Variants in PIK3CB observed in about 807,000 individuals in gnomAD.
The protein encoded by PIK3CB is phosphatidylinositol 4,5-bisphosphate 3-kinase catalytic subunit beta isoform.
Under a neutral mutation model 136.8 loss-of-function variants are expected in PIK3CB, and 39 were observed. The ratio of observed to expected loss-of-function variants is 0.29; its 90% CI spans 0.22 to 0.37. PIK3CB has a LOEUF of 0.37. Ranked by LOEUF, PIK3CB falls within the 10% of genes least tolerant of loss-of-function variation. The probability of loss-of-function intolerance (pLI) is 1.00; values close to 1 mark genes in which losing one functional copy is unlikely to be tolerated. For missense variants in PIK3CB, 868 were observed against 1,275.4 expected (o/e 0.68, Z 4.87); for synonymous variants, 428 against 436.6 (o/e 0.98, Z 0.25).
chr3:138,709,817 T>G (rs1362405084), intron 10 of PIK3CB, among the ~76,000 whole-genome samples: 4 of 152,108 alleles, frequency 2.6e-5, no homozygotes, highest in Non-Finnish European at 4.4e-5. Flanking sequence ...ATTAAGATTC[T>G]CAAGAAAGTA....
At chr3:138,661,079 A>G (rs1469868378) in intron 21 of PIK3CB, among the ~76,000 whole-genome samples, 1 of 152,174 alleles carries the variant, frequency 6.6e-6, no homozygotes, top group African/African-American at 2.4e-5. Context: ...CTGTTCTTAG[A>G]ATAAAGCAAG....
intron 16 of PIK3CB, 84 bp downstream of exon 16, chr3:138,688,791 T>A: frequency 1.3e-6 from 1 of 774,700 alleles, no homozygotes; most frequent in Non-Finnish European, 2.2e-6. Context: ...AAATTGAACA[T>A]GAAGATTAAA....
At chr3:138,700,065 A>AT (rs1382395028) in intron 12 of PIK3CB, among the ~76,000 whole-genome samples, 3 of 152,080 alleles carry the variant, frequency 2.0e-5, no homozygotes, top group African/African-American at 7.2e-5. Flanking sequence ...TTAAAAAAAA[A>AT]TTTTTAAATA....
chr3:138,656,103 C>T lies in PIK3CB; in HGVS notation c.3075+39G>A, dbSNP rs748796658. The T allele has an allele frequency of 7.5e-6, 12 of 1,604,662 alleles. No individual in the cohort carries two copies. The Admixed American group carries it at 2.0e-4, about 27-fold the overall frequency. On this transcript the variant is annotated intron_variant, in intron 23 of 23. Transcript: ENST00000674063. ...CAGGCAGCTAAAACTGAGCTCAATGCCCACAAAGTCCAAGAGAGAAGGAAA... is the reference window on the plus strand; with the variant it reads ...CAGGCAGCTAAAACTGAGCTCAATGTCCACAAAGTCCAAGAGAGAAGGAAA...
In PIK3CB at chr3:138,734,655, T is replaced by C. The variant is rs1363039027; in HGVS notation, c.951A>G (p.Pro317=). 6 of 1,612,072 alleles carry C rather than the reference T, an allele frequency of 3.7e-6. No individual in the cohort carries two copies. The highest frequency in any genetic ancestry group is 5.1e-6 in the Non-Finnish European group (6 of 1,178,610). The change falls in exon 7 of 24, where the codon CCA becomes CCG. Residue 317 remains proline (P), a synonymous_variant. Coordinates refer to ENST00000674063, the MANE Select transcript of PIK3CB (RefSeq NM_006219.3). ...NSSNLPLPLP[P]KKTRIISHVW... is the part of the protein sequence containing the mutation. ...TTACAGAAATAATTCGTGTTTTCTT[T>C]GGTGGTAATGGAAGAGGAAGATTAG... is the stretch of plus-strand genomic sequence containing the variant.
rs2045144982 is a variant in PIK3CB, at chr3:138,737,789, T to C, written c.719A>G (p.Glu240Gly). 1 of 1,612,666 alleles carries C rather than the reference T, an allele frequency of 6.2e-7. No individual in the cohort carries two copies. Among genetic ancestry groups the C allele is most frequent in the Non-Finnish European group, 8.5e-7 (1 of 1,179,062 alleles). ...KRLTIHGKED[E>G]VSPYDYVLQV... ...CAACACATAATCATAGGGGCTAACT[T>C]CATCTTCCTTCCCATGAATAGTCAA... The change falls in exon 6 of 24, where the codon GAA (glutamate) becomes GGA (glycine). Residue 240 changes from glutamate to glycine, a missense_variant. By Grantham distance (98) the Glu-to-Gly change is moderately conservative. This residue lies in a region of PIK3CB where 612 missense variants were observed against 801.1 expected (regional missense o/e 0.76). Coordinates refer to ENST00000674063, the MANE Select transcript of PIK3CB (RefSeq NM_006219.3).
At chr3:138,731,948 G>C (rs968897040) in intron 8 of PIK3CB, among the ~76,000 whole-genome samples, 3 of 151,010 alleles carry the variant, frequency 2.0e-5, no homozygotes, top group African/African-American at 7.3e-5. Context: ...ATGCCACTGC[G>C]CTCTAGCCTG....
chr3:138,725,144 A>G (rs1272004632), intron 8 of PIK3CB, among the ~76,000 whole-genome samples: 1 of 152,100 alleles, frequency 6.6e-6, no homozygotes, highest in African/African-American at 2.4e-5. Flanking sequence ...ACTTCTATGC[A>G]ATATATGCAT....
intron 5 of PIK3CB, among the ~76,000 whole-genome samples, chr3:138,739,899 CAAAAAATAAAAAAAA>C (rs994578195): frequency 4.6e-4 from 61 of 133,488 alleles, no homozygotes; most frequent in African/African-American, 1.7e-3. Context: ...GACTCCATCT[CAAAAAATAAAAAAAA>C]AAAAAATAAA....
chr3:138,813,721 A>G (rs1343851254), intron 1 of PIK3CB, among the ~76,000 whole-genome samples: 3 of 152,094 alleles, frequency 2.0e-5, no homozygotes, highest in African/African-American at 7.2e-5. Context: ...CCAGCCGATT[A>G]AGGGCCTACT....
chr3:138,691,312 C>T (rs111465538), intron 14 of PIK3CB, among the ~76,000 whole-genome samples, 169 bp from the exon 15 acceptor site: 30 of 152,246 alleles, frequency 2.0e-4, no homozygotes, highest in African/African-American at 6.7e-4. Flanking sequence ...ACAAAAAAAG[C>T]TGAAGATTTC....
Position 138,684,678 on chromosome 3 carries a change from G to A in PIK3CB, c.2262C>T (p.Ala754=), listed in dbSNP as rs558350621. The A allele has an allele frequency of 1.5e-5, 24 of 1,613,594 alleles. 1 individual carries two copies. Among genetic ancestry groups the A allele is most frequent in the African/African-American group, 1.5e-4 (11 of 74,858 alleles). The change falls in exon 17 of 24, where the codon GCC becomes GCT. Residue 754 remains alanine (A), a synonymous_variant. Transcript: ENST00000674063. ...TCAGGGGTGACTGCAGGTCAGAGAG[G>A]GCTTCCCGGTAAGCACTCTGTTTTA... ...TCLKQSAYRE[A]LSDLQSPLNP... is the part of the protein sequence containing the mutation.
intron 4 of PIK3CB, among the ~76,000 whole-genome samples, chr3:138,745,944 C>T (rs568404617): frequency 6.6e-6 from 1 of 152,076 alleles, no homozygotes; most frequent in Non-Finnish European, 1.5e-5. Flanking sequence ...GCACTTTGAT[C>T]TGCATTAAAA....
intron 1 of PIK3CB, among the ~76,000 whole-genome samples, chr3:138,799,266 C>T (rs1426293085): frequency 6.6e-6 from 1 of 151,422 alleles, no homozygotes; most frequent in Non-Finnish European, 1.5e-5. Context: ...CAACCTCCAC[C>T]TCCCCGGTTC....
At chr3:138,693,012 T>C (rs761065254) in intron 14 of PIK3CB, among the ~76,000 whole-genome samples, 3 of 152,196 alleles carry the variant, frequency 2.0e-5, no homozygotes, top group African/African-American at 4.8e-5. Context: ...TATTACACAG[T>C]AGTGAAAGGA....
At chr3:138,747,145 T>C (rs1208833589) in intron 4 of PIK3CB, among the ~76,000 whole-genome samples, 2 of 127,120 alleles carry the variant, frequency 1.6e-5, no homozygotes, top group Non-Finnish European at 3.3e-5. Flanking sequence ...AGCACACTAG[T>C]ACCTAGAACT....
Position 138,767,129 on chromosome 3 carries a change from G to A in PIK3CB, c.-16-7770C>T, listed in dbSNP as rs554826472. 9.2e-5 allele frequency among the ~76,000 whole-genome samples: 14 copies of A among 152,136 alleles called. No homozygotes were observed. The South Asian group carries it at 1.0e-3, about 11-fold the overall frequency. ...GCAGAAGTTGCAGTGAGCCAAGATC[G>A]TGCCACTGCACTCCAACCTGGGTGA... is the stretch of plus-strand genomic sequence containing the variant. On this transcript the variant is annotated intron_variant, in intron 2 of 23. Coordinates refer to ENST00000674063, the MANE Select transcript of PIK3CB (RefSeq NM_006219.3).
intron 2 of PIK3CB, chr3:138,777,803 ACC>A (rs1306405469): frequency 5.5e-6 from 1 of 181,796 alleles, no homozygotes; most frequent in Non-Finnish European, 1.2e-5. Context: ...CTCATGTAAC[ACC>A]CATCACATCC....
intron 1 of PIK3CB, among the ~76,000 whole-genome samples, chr3:138,811,120 A>AG (rs1933025205): frequency 6.7e-6 from 1 of 149,042 alleles, no homozygotes; most frequent in African/African-American, 2.5e-5. Context: ...CCAGTTACTC[A>AG]GGAGGCTGAG....
Sources: allele counts gnomAD v4.1 joint callset (sites outside exome capture counted in the v4.1 genomes callset), GRCh38; gene constraint gnomAD v4.1.1; regional missense constraint gnomAD v4.1.1; transcripts MANE v1.5; gene names NCBI Gene and HGNC (gene_info 2026-07-23, HGNC 2026-07-21).